THSD7B: variants seen among roughly 807,000 people sequenced by gnomAD.
THSD7B encodes the protein thrombospondin type 1 domain containing 7B, also known as thrombospondin type-1 domain-containing protein 7B.
In THSD7B, 138 loss-of-function variants were observed where a neutral mutation model predicts 213.6. The ratio of observed to expected loss-of-function variants is 0.65; its 90% CI spans 0.56 to 0.74. The LOEUF (loss-of-function observed/expected upper bound fraction) is 0.74. THSD7B is among the 30% of genes least tolerant of loss of function. THSD7B has a pLI of 0.00. For missense variants in THSD7B, 1,931 were observed against 1,991.5 expected (o/e 0.97, Z 0.58); for synonymous variants, 742 against 687.0 (o/e 1.08, Z -1.25).
rs571476951 is a variant in THSD7B at position 137,651,258 on chromosome 2, C to T, written c.3946-4243C>T. Among the ~76,000 whole-genome samples, 22 of 151,904 alleles carry T rather than the reference C, an allele frequency of 1.4e-4. 1 individual carries two copies. Among genetic ancestry groups the T allele is most frequent in the Admixed American group, 1.2e-3 (18 of 15,250 alleles). On this transcript the variant is annotated intron_variant, in intron 21 of 27. Coordinates refer to ENST00000409968, the MANE Select transcript of THSD7B (RefSeq NM_001316349.2). ...ACAGCTTCAGTTTTCTTACTTGTTA[C>T]TCGTTTGTTGCCATTTTCTATTTCT...
At chr2:137,243,199 T>A (rs1313975743) in intron 10 of THSD7B, among the ~76,000 whole-genome samples, 1 of 152,144 alleles carries the variant, frequency 6.6e-6, no homozygotes, top group Non-Finnish European at 1.5e-5. Flanking sequence ...TTAGAACAGA[T>A]CTTTCCCCCA....
At chr2:137,373,254 A>G (rs901288799) in intron 12 of THSD7B, among the ~76,000 whole-genome samples, 1 of 152,116 alleles carries the variant, frequency 6.6e-6, no homozygotes, top group African/African-American at 2.4e-5. Context: ...CTAGTTCTAG[A>G]TCCCTGAGGA....
At chr2:136,980,022 C>G (rs1381757745) in intron 2 of THSD7B, among the ~76,000 whole-genome samples, 1 of 151,844 alleles carries the variant, frequency 6.6e-6, no homozygotes, top group African/African-American at 2.4e-5. Flanking sequence ...ACTCATTTTC[C>G]TTAGGGCTGC....
chr2:136,837,571 TC>T (rs1374113041), intron 1 of THSD7B, among the ~76,000 whole-genome samples: 1 of 152,234 alleles, frequency 6.6e-6, no homozygotes, highest in Non-Finnish European at 1.5e-5. Flanking sequence ...TTATAGCACT[TC>T]TCATTACCTG....
intron 7 of THSD7B, among the ~76,000 whole-genome samples, chr2:137,198,458 C>T (rs187157875): frequency 8.5e-5 from 13 of 152,228 alleles, no homozygotes; most frequent in Admixed American, 2.6e-4. Context: ...GTCACATTTC[C>T]CCTATAGTTC....
At chr2:136,859,883 C>A (rs1683233157) in intron 1 of THSD7B, among the ~76,000 whole-genome samples, 1 of 152,112 alleles carries the variant, frequency 6.6e-6, no homozygotes, top group African/African-American at 2.4e-5. Flanking sequence ...ACTGACCATC[C>A]CTTTTCCCTT....
intron 2 of THSD7B, among the ~76,000 whole-genome samples, chr2:136,961,582 G>C (rs1685220935): frequency 6.6e-6 from 1 of 152,144 alleles, no homozygotes; most frequent in South Asian, 2.1e-4. Flanking sequence ...ATTCCTGGCT[G>C]AGCTCAGTAC....
chr2:137,129,784 AC>A (rs535598423), intron 5 of THSD7B, among the ~76,000 whole-genome samples: 7 of 152,272 alleles, frequency 4.6e-5, no homozygotes, highest in South Asian at 2.1e-4. Flanking sequence ...ATTTCTTAAT[AC>A]CATTTATGAT....
chr2:137,502,899 A>G (rs1679742717), intron 15 of THSD7B, among the ~76,000 whole-genome samples: 1 of 152,198 alleles, frequency 6.6e-6, no homozygotes, highest in South Asian at 2.1e-4. Flanking sequence ...GTGTATATCC[A>G]TGTATGGAAT....
intron 12 of THSD7B, among the ~76,000 whole-genome samples, chr2:137,352,538 C>T (rs1004453941): frequency 6.6e-6 from 1 of 151,996 alleles, no homozygotes; most frequent in Admixed American, 6.6e-5. Context: ...CTAAAGTCAT[C>T]ACCCCATGGT....
At chr2:137,307,875 C>A (rs1683794678) in intron 12 of THSD7B, among the ~76,000 whole-genome samples, 1 of 152,024 alleles carries the variant, frequency 6.6e-6, no homozygotes, top group African/African-American at 2.4e-5. Context: ...AGCGGTGACC[C>A]TCTCTGGAGA....
At chr2:137,664,351 A>T (rs1683408637) in intron 26 of THSD7B, among the ~76,000 whole-genome samples, 1 of 152,232 alleles carries the variant, frequency 6.6e-6, no homozygotes, top group African/African-American at 2.4e-5. Context: ...TACTGGACCC[A>T]TGGCTTACAC....
chr2:137,102,834 G>A (rs1169223635), intron 4 of THSD7B, among the ~76,000 whole-genome samples: 2 of 152,084 alleles, frequency 1.3e-5, no homozygotes, highest in Non-Finnish European at 2.9e-5. Flanking sequence ...GACAAGATTA[G>A]AGAAAAAGCA....
chr2:137,657,658 G>C (rs924121720), intron 24 of THSD7B, among the ~76,000 whole-genome samples: 1 of 152,166 alleles, frequency 6.6e-6, no homozygotes, highest in African/African-American at 2.4e-5. Context: ...TGTACTAGCA[G>C]CTTAGTTTTT....
At chr2:137,349,055 C>A (rs1684952445) in intron 12 of THSD7B, among the ~76,000 whole-genome samples, 1 of 151,454 alleles carries the variant, frequency 6.6e-6, no homozygotes. Flanking sequence ...ATATATGTAA[C>A]TGTTTCCATA....
chr2:137,204,569 G>T (rs1217727362), intron 7 of THSD7B, among the ~76,000 whole-genome samples: 1 of 152,078 alleles, frequency 6.6e-6, no homozygotes, highest in African/African-American at 2.4e-5. Context: ...CACCATTTCA[G>T]AAATAAGATG....
At chr2:136,840,263 C>G (rs1389236382) in intron 1 of THSD7B, among the ~76,000 whole-genome samples, 1 of 152,042 alleles carries the variant, frequency 6.6e-6, no homozygotes, top group Non-Finnish European at 1.5e-5. Flanking sequence ...CCTGTAGTCC[C>G]AGCTACTCAG....
At chr2:137,128,151 T>G (rs1688662037) in intron 5 of THSD7B, among the ~76,000 whole-genome samples, 3 of 152,318 alleles carry the variant, frequency 2.0e-5, no homozygotes, top group African/African-American at 7.2e-5. Context: ...ACCTGTAATT[T>G]TCTTTCCTGC....
chr2:136,836,196 G>T (rs1682840011), intron 1 of THSD7B, among the ~76,000 whole-genome samples: 4 of 152,178 alleles, frequency 2.6e-5, no homozygotes, highest in Admixed American at 2.0e-4. Context: ...CAAAAAGTGT[G>T]TATGTGAGCT....
Sources: allele counts gnomAD v4.1 joint callset (sites outside exome capture counted in the v4.1 genomes callset), GRCh38; gene constraint gnomAD v4.1.1; transcripts MANE v1.5; gene names NCBI Gene and HGNC (gene_info 2026-07-23, HGNC 2026-07-21).